BCKDHB: variants seen among roughly 807,000 people sequenced by gnomAD.
The protein encoded by BCKDHB is 2-oxoisovalerate dehydrogenase subunit beta, mitochondrial.
In BCKDHB, 41 loss-of-function variants were observed where a neutral mutation model predicts 48.5. The observed-to-expected ratio is 0.85, with a 90% CI of 0.66 to 1.10. BCKDHB has a LOEUF of 1.10. Among genes scored for constraint, BCKDHB ranks in the 50% least tolerant of loss-of-function variants. The pLI, the probability that BCKDHB is intolerant of heterozygous loss-of-function variation, is 0.00. For synonymous variants in BCKDHB, 201 were observed against 174.8 expected (o/e 1.15, Z -1.18); for missense variants, 496 against 494.2 (o/e 1.00, Z -0.03).
At chr6:80,299,282 C>T (rs1303498460) in intron 9 of BCKDHB, among the ~76,000 whole-genome samples, 2 of 152,130 alleles carry the variant, frequency 1.3e-5, no homozygotes, top group African/African-American at 4.8e-5. Context: ...AAAAGTCAGC[C>T]AGTTGGTGTG....
At chr6:80,182,733 T>C (rs1215603015) in intron 6 of BCKDHB, among the ~76,000 whole-genome samples, 1 of 152,190 alleles carries the variant, frequency 6.6e-6, no homozygotes, top group Non-Finnish European at 1.5e-5. Context: ...AAATATTGTA[T>C]TATAAACATT....
At position 80,203,091 on chromosome 6, in the gene BCKDHB, C is replaced by T; in HGVS notation, c.841-11C>T. ...GTAGTCATTCTCTGCATATTTTTCTCTTTATTTCAGGTTCATGTGATCCGA... is the reference window on the plus strand; with the variant it reads ...GTAGTCATTCTCTGCATATTTTTCTTTTTATTTCAGGTTCATGTGATCCGA... On this transcript the variant is annotated splice_polypyrimidine_tract_variant and intron_variant, in intron 7 of 9. Coordinates refer to ENST00000320393, the MANE Select transcript of BCKDHB (RefSeq NM_183050.4). 6.3e-7 allele frequency: 1 copy of T among 1,592,218 alleles called. No individual in the cohort carries two copies. The highest frequency in any genetic ancestry group is 8.6e-7 in the Non-Finnish European group (1 of 1,160,512).
chr6:80,454,087 A>G, the BCKDHB span: 2 of 152,130 alleles, frequency 1.3e-5, no homozygotes, highest in African/African-American at 2.4e-5. Context: ...TACCTGACCC[A>G]ATTTCACTTT....
the BCKDHB span, among the ~76,000 whole-genome samples, chr6:80,462,660 T>C: frequency 6.6e-6 from 1 of 152,168 alleles, no homozygotes; most frequent in Non-Finnish European, 1.5e-5. Flanking sequence ...TTGAAGGCAT[T>C]ATGGCCCCCA....
chr6:80,316,734 T>C (rs700490), intron 9 of BCKDHB, among the ~76,000 whole-genome samples: 121,417 of 152,116 alleles, frequency 0.8, 48,627 homozygotes, highest in Admixed American at 0.87. Context: ...CAGTGGCTAG[T>C]TATTATTTCC....
At chr6:80,334,115 T>G (rs1769449936) in intron 9 of BCKDHB, among the ~76,000 whole-genome samples, 1 of 152,112 alleles carries the variant, frequency 6.6e-6, no homozygotes. Context: ...GCATGCAAAT[T>G]AAGACATTCA....
At chr6:80,167,241 C>A (rs1050963366) in intron 3 of BCKDHB, among the ~76,000 whole-genome samples, 18 of 151,550 alleles carry the variant, frequency 1.2e-4, no homozygotes, top group African/African-American at 4.1e-4. Context: ...TTTTTTCCTT[C>A]TTTTTTCTTT....
At chr6:80,148,492 T>C (rs1424689633) in intron 3 of BCKDHB, among the ~76,000 whole-genome samples, 1 of 152,136 alleles carries the variant, frequency 6.6e-6, no homozygotes, top group East Asian at 1.9e-4. Flanking sequence ...TTGGGGTTTC[T>C]TTCACTATTG....
At position 80,240,032 on chromosome 6, in the gene BCKDHB, AG is replaced by A. The variant is rs1308816885; in HGVS notation, c.952-33102del. 5.9e-5 allele frequency among the ~76,000 whole-genome samples: 9 copies of A among 152,320 alleles called. 1 individual carries two copies. In the East Asian group the frequency reaches 1.7e-3, roughly 29 times the overall value. On this transcript the variant is annotated intron_variant, in intron 8 of 9. Transcript: ENST00000320393. ...CTTGTAGTATAGTTTGAAGTCAGGTAGCATGATGCCTCCAGCTTTGTTCTTT... is the reference window on the plus strand; with the variant it reads ...CTTGTAGTATAGTTTGAAGTCAGGTACATGATGCCTCCAGCTTTGTTCTTT...
rs116457575 is a variant in BCKDHB, at chr6:80,244,711, A to G, written c.952-28424A>G. Among the ~76,000 whole-genome samples, 455 of 152,334 alleles carry G rather than the reference A, an allele frequency of 3.0e-3. 1 individual carries two copies. Among genetic ancestry groups the G allele is most frequent in the African/African-American group, 0.011 (440 of 41,582 alleles). ...AATGGTAGCCTTGTGGAAGCTGACA[A>G]AAGTCATATTATAATGATTTTTGGC... On this transcript the variant is annotated intron_variant, in intron 8 of 9. Coordinates refer to ENST00000320393, the MANE Select transcript of BCKDHB (RefSeq NM_183050.4).
At chr6:80,397,404 T>G in the BCKDHB span, among the ~76,000 whole-genome samples, 1 of 152,176 alleles carries the variant, frequency 6.6e-6, no homozygotes, top group Non-Finnish European at 1.5e-5. Flanking sequence ...CAATTGTGTG[T>G]GTGTATGTGT....
At chr6:80,173,296 A>G (rs1582284686) in intron 6 of BCKDHB, among the ~76,000 whole-genome samples, 1 of 152,100 alleles carries the variant, frequency 6.6e-6, no homozygotes, top group South Asian at 2.1e-4. Context: ...TTGATCATGT[A>G]TCATTTCAAG....
chr6:80,302,720 T>C (rs911546902), intron 9 of BCKDHB, among the ~76,000 whole-genome samples: 7 of 152,230 alleles, frequency 4.6e-5, no homozygotes, highest in African/African-American at 1.4e-4. Flanking sequence ...TCGATTGCAC[T>C]TATCCATTTG....
At chr6:80,199,646 G>C (rs1774291120) in intron 6 of BCKDHB, among the ~76,000 whole-genome samples, 1 of 151,438 alleles carries the variant, frequency 6.6e-6, no homozygotes, top group Non-Finnish European at 1.5e-5. Flanking sequence ...GCGTGGTGGT[G>C]CGTGCCTGTA....
At chr6:80,453,740 C>T in the BCKDHB span, among the ~76,000 whole-genome samples, 3 of 152,276 alleles carry the variant, frequency 2.0e-5, no homozygotes, top group South Asian at 6.2e-4. Flanking sequence ...TGAACACCCT[C>T]AGCTCTGGGG....
intron 6 of BCKDHB, among the ~76,000 whole-genome samples, chr6:80,174,371 G>A (rs1005060075): frequency 4.0e-5 from 6 of 151,874 alleles, no homozygotes; most frequent in Non-Finnish European, 5.9e-5. Context: ...CAGTACTATC[G>A]TTCCTCAGTA....
chr6:80,298,607 T>C (rs1009590291), intron 9 of BCKDHB, among the ~76,000 whole-genome samples: 2 of 152,172 alleles, frequency 1.3e-5, no homozygotes, highest in African/African-American at 4.8e-5. Flanking sequence ...CAGGCCACCA[T>C]TGTGATGATG....
the BCKDHB span, among the ~76,000 whole-genome samples, chr6:80,414,100 T>A: frequency 2.6e-5 from 4 of 152,214 alleles, no homozygotes; most frequent in East Asian, 7.7e-4. Context: ...TATGTCTTTT[T>A]TTTTAAAAGT....
At chr6:80,277,038 CA>C (rs3840385) in intron 9 of BCKDHB, among the ~76,000 whole-genome samples, 16,518 of 152,010 alleles carry the variant, frequency 0.11, 1,106 homozygotes, top group South Asian at 0.25. Context: ...TCTTATCTTA[CA>C]TTCCCATCTG....
Sources: allele counts gnomAD v4.1 joint callset (sites outside exome capture counted in the v4.1 genomes callset), GRCh38; gene constraint gnomAD v4.1.1; transcripts MANE v1.5; gene names NCBI Gene and HGNC (gene_info 2026-07-23, HGNC 2026-07-21).